The following HNRNPUL2 variants were observed in gnomAD, a reference collection of about 807,000 sequenced individuals.
HNRNPUL2 encodes heterogeneous nuclear ribonucleoprotein U like 2.
A neutral mutation model predicts 102.2 loss-of-function variants in HNRNPUL2; 27 were observed. That is an observed-to-expected ratio of 0.26 (90% confidence interval 0.19 to 0.36). HNRNPUL2 has a LOEUF of 0.36. Among genes scored for constraint, HNRNPUL2 ranks in the 10% least tolerant of loss-of-function variants. The pLI is 1.00. For synonymous variants in HNRNPUL2, 458 were observed against 387.2 expected (o/e 1.18, Z -2.15); for missense variants, 936 against 981.1 (o/e 0.95, Z 0.61).
Position 62,721,567 on chromosome 11 carries a change from T to C in HNRNPUL2, c.1483-144A>G. 10 of 878,592 alleles carry C rather than the reference T, an allele frequency of 1.1e-5. 1 individual carries two copies. The South Asian group carries it at 1.7e-4, about 15-fold the overall frequency. 54.4% of individuals were successfully genotyped at this position (878,592 alleles called of 1,614,324 possible). ...TATTCCCATTCTTCAGTGCTGTGAA[T>C]GTTGTCCATTTCCTGCAGTAGTCAT... On this transcript the variant is annotated intron_variant, in intron 8 of 13. Transcript: ENST00000301785.
At chr11:62,723,791 A>G (rs1368588398) in intron 3 of HNRNPUL2, 65 bp from the exon 4 acceptor site, 1 of 1,609,022 alleles carries the variant, frequency 6.2e-7, no homozygotes. Context: ...AACAGAGCAT[A>G]AGTATACCAG....
At position 62,724,371 on chromosome 11, in the gene HNRNPUL2, C is replaced by T. The variant is rs2083727767; in HGVS notation, c.594G>A (p.Arg198=). The T allele has an allele frequency of 1.2e-6, 2 of 1,613,712 alleles. No individual in the cohort carries two copies. Among genetic ancestry groups the T allele is most frequent in the Non-Finnish European group, 1.7e-6 (2 of 1,179,860 alleles). Residue 198 remains arginine (R), a synonymous_variant, in exon 2 of 14, where the codon CGG becomes CGA. Transcript: ENST00000301785. Reference sequence around the variant, plus strand: ...TCTCATCCCGCTGTCTCTTTACCCCCCGCCGCTCACCATCTGAGCCTGCTG... The same window carrying T: ...TCTCATCCCGCTGTCTCTTTACCCCTCGCCGCTCACCATCTGAGCCTGCTG... ...SKPAGSDGER[R]GVKRQRDEKD...
chr11:62,726,839 G>A lies in HNRNPUL2; in HGVS notation c.318C>T (p.Ala106=). 2 of 1,589,308 alleles carry A rather than the reference G, an allele frequency of 1.3e-6. No homozygotes were observed. Among genetic ancestry groups the A allele is most frequent in the South Asian group, 1.1e-5 (1 of 89,800 alleles). The change falls in exon 1 of 14, where the codon GCC becomes GCT. Residue 106 remains alanine, a synonymous_variant. Transcript: ENST00000301785. ...EPPPAQALGQ[A]AQPPPEPPEA... is the part of the protein sequence containing the mutation. Reference sequence around the variant, plus strand: ...CCGGGGGCTCCGGCGGCGGCTGCGCGGCCTGACCCAAGGCTTGAGCAGGGG... The same window carrying A: ...CCGGGGGCTCCGGCGGCGGCTGCGCAGCCTGACCCAAGGCTTGAGCAGGGG...
chr11:62,722,964 T>C (rs2083715325), intron 4 of HNRNPUL2, 61 bp from the exon 5 acceptor site: 2 of 1,273,694 alleles, frequency 1.6e-6, no homozygotes, highest in South Asian at 1.2e-5. Context: ...AAACTCTGAG[T>C]TCGAAGGACA....
In HNRNPUL2 at chr11:62,724,288, C is replaced by T. The variant is rs1205136678; in HGVS notation, c.674+3G>A. ...CTTCAACGAAAGGGACTGTTTCCCT[C>T]ACCGGCTGTGGTAAGCCTCCTCTCG... On this transcript the variant is annotated splice_donor_region_variant and intron_variant, in intron 2 of 13. Transcript: ENST00000301785. 2 of 1,614,168 alleles carry T rather than the reference C, an allele frequency of 1.2e-6. No individual in the cohort carries two copies. The highest frequency in any genetic ancestry group is 1.7e-6 in the Non-Finnish European group (2 of 1,180,026).
rs747907520 is a variant in HNRNPUL2 at position 62,715,957 on chromosome 11, C to CGCGCTCA, written c.1982-27_1982-21dup. ...CGCCCACTGGAAGAGAAATGGAGAG[C>CGCGCTCA]GCGCTCAGACAGCTGGCATGGGGTC... On this transcript the variant is annotated intron_variant, in intron 11 of 13. Coordinates refer to ENST00000301785, the MANE Select transcript of HNRNPUL2 (RefSeq NM_001079559.3). 6.4e-7 allele frequency: 1 copy of CGCGCTCA among 1,563,950 alleles called. No individual in the cohort carries two copies. The highest frequency in any genetic ancestry group is 8.7e-7 in the Non-Finnish European group (1 of 1,152,128).
intron 9 of HNRNPUL2, 138 bp downstream of exon 9, chr11:62,721,157 C>T: frequency 2.7e-6 from 2 of 745,734 alleles, no homozygotes; most frequent in Non-Finnish European, 4.4e-6. Context: ...TTAGGGGTAC[C>T]TCTGAGTTCA....
chr11:62,719,991 T>C lies in HNRNPUL2; in HGVS notation c.1780+32A>G, dbSNP rs373634254. 2.6e-4 allele frequency: 409 copies of C among 1,594,086 alleles called. 1 individual carries two copies. The highest frequency in any genetic ancestry group is 1.1e-3 in the Admixed American group (68 of 59,954). ...AATTATGAAGTCTATGGTATTCTGT[T>C]ATAGCAGCAGAAAATGGACTAAGAC... On this transcript the variant is annotated intron_variant, in intron 10 of 13. Transcript: ENST00000301785.
At chr11:62,721,982 G>A (rs1478349167) in intron 7 of HNRNPUL2, 40 bp from the exon 8 acceptor site, 4 of 1,612,194 alleles carry the variant, frequency 2.5e-6, no homozygotes, top group Non-Finnish European at 2.5e-6. Flanking sequence ...AAAAATAAAT[G>A]AGGGTCATGT....
At position 62,727,348 on chromosome 11, in the gene HNRNPUL2, G is replaced by T. The variant is rs2083766164; in HGVS notation, c.-192C>A. ...GCTGCGCAGTGTTTGCTTCTCCTTC[G>T]TCTCCCCTCCCCCTTTCGGCTCACG... is the stretch of plus-strand genomic sequence containing the variant. On this transcript the variant is annotated 5_prime_UTR_variant, in exon 1 of 14. Coordinates refer to ENST00000301785, the MANE Select transcript of HNRNPUL2 (RefSeq NM_001079559.3). 3.1e-6 allele frequency: 2 copies of T among 635,826 alleles called. No individual in the cohort carries two copies. The highest frequency in any genetic ancestry group is 7.2e-5 in the South Asian group (1 of 13,864). 39.4% of individuals were successfully genotyped at this position (635,826 alleles called of 1,614,324 possible). A position where few individuals can be genotyped will look rare whatever the true frequency, so the allele number is the denominator to read the frequency against.
In HNRNPUL2 at chr11:62,721,364, T is replaced by C; in HGVS notation, c.1542A>G (p.Gln514=). 2 of 1,611,090 alleles carry C rather than the reference T, an allele frequency of 1.2e-6. No homozygotes were observed. Among genetic ancestry groups the C allele is most frequent in the South Asian group, 1.1e-5 (1 of 90,350 alleles). The change falls in exon 9 of 14, where the codon CAA becomes CAG. Residue 514 remains glutamine, a synonymous_variant. Transcript: ENST00000301785. ...CCAGCTTACTAAGGCACTGGGAGGC[T>C]TGCTGAACTAAAAGGTCTCGGCTTT... ...DPKSRDLLVQ[Q]ASQCLSKLVQ...
Position 62,727,052 on chromosome 11 carries a change from CT to C in HNRNPUL2, c.104del (p.Glu35GlyfsTer107). 1 of 1,419,992 alleles carries C rather than the reference CT, an allele frequency of 7.0e-7. No individual in the cohort carries two copies. The allele number at this position is 1,419,992 out of a possible 1,614,324, so 88.0% of individuals were successfully genotyped here. A position where few individuals can be genotyped will look rare whatever the true frequency, so the allele number is the denominator to read the frequency against. On this transcript the variant is annotated frameshift_variant, in exon 1 of 14. Transcript: ENST00000301785. LOFTEE classifies it high-confidence loss of function. ...CCTCGAGCATCTCGGCGTCCAGCGCCTCCTGCAGCCGCTGCGCCAGATCCAC... is the reference window on the plus strand; with the variant it reads ...CCTCGAGCATCTCGGCGTCCAGCGCCCCTGCAGCCGCTGCGCCAGATCCAC... ...LKVDLAQRLQEALDAEMLEDE... is the reference protein window; with the variant it reads ...LKVDLAQRLQXALDAEMLEDE...
In HNRNPUL2 at chr11:62,723,687, T is replaced by C; in HGVS notation, c.791A>G (p.Tyr264Cys). Residue 264 changes from tyrosine (Y) to cysteine (C), a missense_variant, in exon 4 of 14, where the codon TAT (tyrosine) becomes TGT (cysteine). By Grantham distance (194) the Tyr-to-Cys change is radical. Coordinates refer to ENST00000301785, the MANE Select transcript of HNRNPUL2 (RefSeq NM_001079559.3). ...DLHFQVSKDR[Y>C]GGQPLFSEKF... is the part of the protein sequence containing the mutation. Reference sequence around the variant, plus strand: ...CTCTGAGAAAAGTGGCTGCCCTCCATAGCGGTCTTTGCTCACTTGAAAATG... The same window carrying C: ...CTCTGAGAAAAGTGGCTGCCCTCCACAGCGGTCTTTGCTCACTTGAAAATG... 1.9e-6 allele frequency: 3 copies of C among 1,614,182 alleles called. No homozygotes were observed. Among genetic ancestry groups the C allele is most frequent in the South Asian group, 1.1e-5 (1 of 91,082 alleles).
chr11:62,720,215 T>A, intron 9 of HNRNPUL2, 24 bp from the exon 10 acceptor site: 2 of 1,607,828 alleles, frequency 1.2e-6, no homozygotes, highest in Non-Finnish European at 1.7e-6. Flanking sequence ...GAATAACTGA[T>A]GTTTAGGAAG....
intron 4 of HNRNPUL2, 35 bp from the exon 5 acceptor site, chr11:62,722,938 T>C (rs765461212): frequency 2.6e-6 from 4 of 1,541,792 alleles, no homozygotes; most frequent in Middle Eastern, 1.7e-4. Context: ...TTAGATATTG[T>C]GACCAACTGA....
At chr11:62,724,760 A>G (rs2083731264) in intron 1 of HNRNPUL2, among the ~76,000 whole-genome samples, 1 of 152,232 alleles carries the variant, frequency 6.6e-6, no homozygotes, top group South Asian at 2.1e-4. Flanking sequence ...CTAGGTCTCT[A>G]AGAAAACCTC....
Position 62,713,345 on chromosome 11 carries a change from G to T in HNRNPUL2, c.*1954C>A, listed in dbSNP as rs2083633546. On this transcript the variant is annotated 3_prime_UTR_variant, in exon 14 of 14. Coordinates refer to ENST00000301785, the MANE Select transcript of HNRNPUL2 (RefSeq NM_001079559.3). ...AATCTTGCCCTAAGGGAATTTCTTTGGGCTCCAGTTTTTACCTCCTTGCCT... is the reference window on the plus strand; with the variant it reads ...AATCTTGCCCTAAGGGAATTTCTTTTGGCTCCAGTTTTTACCTCCTTGCCT... 1 of 152,124 alleles carries T rather than the reference G, an allele frequency of 6.6e-6. No individual in the cohort carries two copies. Among genetic ancestry groups the T allele is most frequent in the Non-Finnish European group, 1.5e-5 (1 of 68,020 alleles). 9.4% of individuals were successfully genotyped at this position (152,124 alleles called of 1,614,324 possible).
At chr11:62,724,217 T>C in intron 2 of HNRNPUL2, 74 bp downstream of exon 2, 1 of 1,571,860 alleles carries the variant, frequency 6.4e-7, no homozygotes, top group South Asian at 1.1e-5. Flanking sequence ...CTCCTTCCAG[T>C]CTCTCCAGTC....
chr11:62,725,444 C>A (rs564527139), intron 1 of HNRNPUL2, among the ~76,000 whole-genome samples: 31 of 152,350 alleles, frequency 2.0e-4, no homozygotes, highest in African/African-American at 6.7e-4. Flanking sequence ...AGGTGATCCA[C>A]CCGCCTGGCC....
Sources: gnomAD v4.1 joint callset for allele counts (sites outside exome capture counted in the v4.1 genomes callset) on GRCh38, gnomAD v4.1.1 for gene constraint, MANE v1.5 for transcripts, NCBI Gene and HGNC (gene_info 2026-07-23, HGNC 2026-07-21) for gene names.